The following TERF1 variants were observed in gnomAD, a reference collection of about 807,000 sequenced individuals.
TERF1 encodes telomeric repeat-binding factor 1.
In TERF1, 20 loss-of-function variants were observed where a neutral mutation model predicts 55.1. That is an observed-to-expected ratio of 0.36 (90% CI 0.26 to 0.53). The LOEUF (loss-of-function observed/expected upper bound fraction) is 0.53. Among genes scored for constraint, TERF1 ranks in the 20% least tolerant of loss-of-function variants. The probability of loss-of-function intolerance (pLI) is 0.91; values close to 1 mark genes in which losing one functional copy is unlikely to be tolerated. For missense variants in TERF1, 439 were observed against 535.7 expected, an observed-to-expected ratio of 0.82 and a Z score of 1.78; for synonymous variants, 168 against 181.2, an observed-to-expected ratio of 0.93 and a Z score of 0.59.
At chr8:73,015,802 G>A (rs192558706) in intron 2 of TERF1, among the ~76,000 whole-genome samples, 11 of 152,332 alleles carry the variant, frequency 7.2e-5, no homozygotes, top group South Asian at 4.1e-4. Context: ...ACTTCAGCCT[G>A]AGTGACAGAA....
intron 2 of TERF1, among the ~76,000 whole-genome samples, chr8:73,020,200 T>C (rs1027512869): frequency 2.2e-4 from 33 of 152,250 alleles, no homozygotes; most frequent in Non-Finnish European, 2.8e-4. Context: ...AGTTATCAGC[T>C]GTTGTGAGTC....
chr8:73,044,981 G>C (rs1270625932), intron 9 of TERF1, among the ~76,000 whole-genome samples: 4 of 152,142 alleles, frequency 2.6e-5, no homozygotes, highest in African/African-American at 9.7e-5. Flanking sequence ...ATGCTGCTAT[G>C]AACATGGATG....
rs1423963835 is a variant in TERF1, at chr8:73,027,019, T to C, written c.854T>C (p.Met285Thr). Residue 285 changes from methionine (M) to threonine (T), a missense_variant, in exon 6 of 10, where the codon ATG (methionine) becomes ACG (threonine). Coordinates refer to ENST00000276603, the MANE Select transcript of TERF1 (RefSeq NM_017489.3). ...AAACCTAGTGGTAATGATGTTGAAATGGAAACTGAAGCTAATTTGGATACA... is the reference window on the plus strand; with the variant it reads ...AAACCTAGTGGTAATGATGTTGAAACGGAAACTGAAGCTAATTTGGATACA... ...QDKPSGNDVE[M>T]ETEANLDTRK... 3.1e-6 allele frequency: 5 copies of C among 1,612,436 alleles called. No individual in the cohort carries two copies. Among genetic ancestry groups the C allele is most frequent in the Non-Finnish European group, 4.2e-6 (5 of 1,179,606 alleles).
chr8:73,037,331 A>C lies in TERF1; in HGVS notation c.1040-1785A>C, dbSNP rs982628438. Among the ~76,000 whole-genome samples, 19 of 124,692 alleles carry C rather than the reference A, an allele frequency of 1.5e-4. No homozygotes were observed. In the Admixed American group the frequency reaches 1.7e-3, roughly 11 times the overall value. 81.8% of individuals were successfully genotyped at this position (124,692 alleles called of 152,430 possible). A position where few individuals can be genotyped will look rare whatever the true frequency, so the allele number is the denominator to read the frequency against. On this transcript the variant is annotated intron_variant, in intron 8 of 9. Coordinates refer to ENST00000276603, the MANE Select transcript of TERF1 (RefSeq NM_017489.3). ...ATCTACTTACCTACCTACCTACCTA[A>C]CTGTTGGCCCTCTATATTCACAGAT...
At chr8:73,039,010 C>T in intron 8 of TERF1, 106 bp from the exon 9 acceptor site, 1 of 884,000 alleles carries the variant, frequency 1.1e-6, no homozygotes, top group Non-Finnish European at 1.7e-6. Context: ...TGTACTTTTT[C>T]TTAGAATAGC....
At chr8:73,037,421 T>A (rs2129878835) in intron 8 of TERF1, among the ~76,000 whole-genome samples, 1 of 128,490 alleles carries the variant, frequency 7.8e-6, no homozygotes, top group African/African-American at 3.0e-5. Flanking sequence ...ATATAAATTT[T>A]TATATATAAT....
rs561523647 is a variant in TERF1 at position 73,020,659 on chromosome 8, C to T, written c.416-25C>T. 8.9e-6 allele frequency: 14 copies of T among 1,568,824 alleles called. No homozygotes were observed. The African/African-American group carries it at 1.1e-4, about 12-fold the overall frequency. On this transcript the variant is annotated intron_variant, in intron 2 of 9. Coordinates refer to ENST00000276603, the MANE Select transcript of TERF1 (RefSeq NM_017489.3). ...AAGTTCTACTTAGCTTTCTGAGTTACTTATTTTTGTTCTGTTTTTAAAAGA... is the reference window on the plus strand; with the variant it reads ...AAGTTCTACTTAGCTTTCTGAGTTATTTATTTTTGTTCTGTTTTTAAAAGA...
intron 2 of TERF1, 120 bp downstream of exon 2, chr8:73,014,110 G>GT: frequency 1.4e-6 from 1 of 719,286 alleles, no homozygotes; most frequent in Non-Finnish European, 2.4e-6. Context: ...GCATAGGGGT[G>GT]TGGGGGGGTG....
At chr8:73,023,136 A>G (rs1808841881) in intron 4 of TERF1, among the ~76,000 whole-genome samples, 1 of 152,202 alleles carries the variant, frequency 6.6e-6, no homozygotes, top group African/African-American at 2.4e-5. Context: ...TGGAACAAAT[A>G]TATGCATTTC....
intron 8 of TERF1, among the ~76,000 whole-genome samples, chr8:73,036,572 A>G (rs1809519346): frequency 6.6e-6 from 1 of 151,848 alleles, no homozygotes; most frequent in South Asian, 2.1e-4. Flanking sequence ...TGGTTTTCAC[A>G]GGGTATTGGT....
intron 8 of TERF1, among the ~76,000 whole-genome samples, chr8:73,033,468 G>A (rs151049687): frequency 3.9e-5 from 6 of 152,256 alleles, no homozygotes; most frequent in African/African-American, 1.4e-4. Context: ...AGTGGCTCAC[G>A]CCTATAGTCC....
intron 9 of TERF1, among the ~76,000 whole-genome samples, chr8:73,044,839 A>G (rs1156893839): frequency 6.6e-6 from 1 of 152,162 alleles, no homozygotes; most frequent in East Asian, 1.9e-4. Context: ...AGGTTTATCC[A>G]TGTTCTAGAA....
At chr8:73,020,610 G>T (rs1808710008) in intron 2 of TERF1, 74 bp from the exon 3 acceptor site, 1 of 1,316,414 alleles carries the variant, frequency 7.6e-7, no homozygotes, top group Non-Finnish European at 1.0e-6. Flanking sequence ...AATATTTAAA[G>T]GAATGCATTA....
intron 2 of TERF1, among the ~76,000 whole-genome samples, chr8:73,015,729 C>G (rs1563456520): frequency 6.6e-6 from 1 of 152,006 alleles, no homozygotes; most frequent in African/African-American, 2.4e-5. Context: ...CCTCTGGAGA[C>G]TGAGGTAGGA....
At chr8:73,032,244 C>A (rs1809320738) in intron 8 of TERF1, 111 bp downstream of exon 8, 1 of 694,388 alleles carries the variant, frequency 1.4e-6, no homozygotes, top group Non-Finnish European at 2.3e-6. Flanking sequence ...AAAACTGAAG[C>A]ACAAAGTCTT....
intron 7 of TERF1, 51 bp from the exon 8 acceptor site, chr8:73,031,991 T>G: frequency 2.3e-6 from 3 of 1,284,262 alleles, no homozygotes; most frequent in Non-Finnish European, 3.3e-6. Context: ...TGTTTTCCAT[T>G]GCCTTACTAT....
chr8:73,014,534 T>C (rs1025453934), intron 2 of TERF1, among the ~76,000 whole-genome samples: 1 of 152,214 alleles, frequency 6.6e-6, no homozygotes, highest in Non-Finnish European at 1.5e-5. Flanking sequence ...CCCTTGTCTC[T>C]GTAGTTCCAT....
In TERF1 at chr8:73,024,504, A is replaced by G. The variant is rs146742537; in HGVS notation, c.625-318A>G. Among the ~76,000 whole-genome samples, 17 of 152,312 alleles carry G rather than the reference A, an allele frequency of 1.1e-4. No homozygotes were observed. The East Asian group carries it at 3.1e-3, about 28-fold the overall frequency. The stretch of plus-strand genomic sequence containing the variant: ...CAGTTAGGAGAGGAAAGGGAATACA[A>G]TCAGATTATGGTAGTAAACAGGGAT... On this transcript the variant is annotated intron_variant, in intron 4 of 9. Coordinates refer to ENST00000276603, the MANE Select transcript of TERF1 (RefSeq NM_017489.3).
At chr8:73,018,410 T>G (rs1212407191) in intron 2 of TERF1, among the ~76,000 whole-genome samples, 1 of 152,246 alleles carries the variant, frequency 6.6e-6, no homozygotes, top group Non-Finnish European at 1.5e-5. Flanking sequence ...GCTTGGTGGC[T>G]CACGCCTGTA....
Sources: gnomAD v4.1 joint callset for allele counts (sites outside exome capture counted in the v4.1 genomes callset) on GRCh38, gnomAD v4.1.1 for gene constraint, MANE v1.5 for transcripts, NCBI Gene and HGNC (gene_info 2026-07-23, HGNC 2026-07-21) for gene names.